TNRC6A: variants seen among roughly 807,000 people sequenced by gnomAD.
The protein encoded by TNRC6A is trinucleotide repeat-containing gene 6A protein.
Under a neutral mutation model 221.2 loss-of-function variants are expected in TNRC6A, and 44 were observed. The observed-to-expected ratio is 0.20, with a 90% CI of 0.16 to 0.26. TNRC6A has a LOEUF of 0.26. Ranked by LOEUF, TNRC6A falls within the 10% of genes least tolerant of loss-of-function variation. The probability of loss-of-function intolerance (pLI) is 1.00; values close to 1 mark genes in which losing one functional copy is unlikely to be tolerated. For missense variants in TNRC6A, 2,199 were observed against 2,404.4 expected (o/e 0.91, Z 1.79); for synonymous variants, 847 against 838.5 (o/e 1.01, Z -0.18).
Position 24,805,064 on chromosome 16 carries a change from G to A in TNRC6A, c.4035G>A (p.Arg1345=). 1 of 1,614,122 alleles carries A rather than the reference G, an allele frequency of 6.2e-7. No homozygotes were observed. The highest frequency in any genetic ancestry group is 8.5e-7 in the Non-Finnish European group (1 of 1,180,012). The part of the protein sequence containing the change: ...FGVGNTAAQP[R]GMQQPPAQPL... ...TTGGAAACACAGCAGCACAACCCCG[G>A]GGCATGCAGCAGCCTCCAGCACAAC... Residue 1345 remains arginine (R), a synonymous_variant, in exon 14 of 25, where the codon CGG becomes CGA. Transcript: ENST00000395799.
intron 1 of TNRC6A, among the ~76,000 whole-genome samples, chr16:24,637,528 G>A (rs896726814): frequency 1.3e-5 from 2 of 152,174 alleles, no homozygotes; most frequent in African/African-American, 2.4e-5. Flanking sequence ...ATATTAGATG[G>A]TGATCAGACC....
At chr16:24,690,681 G>T (rs1053436903) in intron 2 of TNRC6A, among the ~76,000 whole-genome samples, 2 of 152,082 alleles carry the variant, frequency 1.3e-5, no homozygotes, top group Non-Finnish European at 2.9e-5. Flanking sequence ...AAAATACTTT[G>T]CTTTGCTTTT....
chr16:24,649,390 C>A (rs547284331), intron 2 of TNRC6A, among the ~76,000 whole-genome samples: 1 of 152,042 alleles, frequency 6.6e-6, no homozygotes, highest in Admixed American at 6.6e-5. Context: ...CTCACTGAAA[C>A]CTCGAACTCC....
intron 1 of TNRC6A, among the ~76,000 whole-genome samples, chr16:24,615,887 C>T (rs946527177): frequency 2.1e-5 from 3 of 145,074 alleles, no homozygotes; most frequent in Admixed American, 7.1e-5. Context: ...CATACCCCTA[C>T]ATGCTCTAAA....
At chr16:24,708,890 G>T (rs144788279) in intron 2 of TNRC6A, among the ~76,000 whole-genome samples, 3 of 152,044 alleles carry the variant, frequency 2.0e-5, no homozygotes, top group African/African-American at 7.2e-5. Flanking sequence ...TTCTTTATCC[G>T]CTGATTGGTC....
At chr16:24,638,089 T>G (rs1901732159) in intron 1 of TNRC6A, among the ~76,000 whole-genome samples, 1 of 152,174 alleles carries the variant, frequency 6.6e-6, no homozygotes, top group Non-Finnish European at 1.5e-5. Flanking sequence ...CTGACTGTGA[T>G]GCCATTTATA....
At chr16:24,744,002 G>A (rs1291222303) in intron 2 of TNRC6A, among the ~76,000 whole-genome samples, 2 of 152,162 alleles carry the variant, frequency 1.3e-5, no homozygotes, top group African/African-American at 4.8e-5. Flanking sequence ...GTAGCATTTA[G>A]TTTTCATGTT....
At chr16:24,758,438 G>T in intron 4 of TNRC6A, 78 bp downstream of exon 4, 1 of 1,429,320 alleles carries the variant, frequency 7.0e-7, no homozygotes, top group Non-Finnish European at 9.8e-7. Flanking sequence ...TTCACCTCAA[G>T]GATGGGAGAG....
At chr16:24,610,218 T>G (rs1899979854) in exon 1 of TNRC6A, 1 of 152,332 alleles carries the variant, frequency 6.6e-6, no homozygotes, top group African/African-American at 2.4e-5. Context: ...ATGTGATGGC[T>G]CCGGTGATGT....
intron 2 of TNRC6A, among the ~76,000 whole-genome samples, chr16:24,655,117 G>A (rs1053984807): frequency 7.2e-5 from 11 of 151,978 alleles, no homozygotes; most frequent in African/African-American, 1.4e-4. Context: ...GGTGGCAGAC[G>A]CCTGTGTTCC....
chr16:24,665,462 C>T (rs1430937315), intron 2 of TNRC6A, among the ~76,000 whole-genome samples: 3 of 152,152 alleles, frequency 2.0e-5, no homozygotes, highest in Admixed American at 6.6e-5. Flanking sequence ...TGCCTTTTAA[C>T]TCATTGGGTG....
chr16:24,690,991 G>T (rs1389234597), intron 2 of TNRC6A, among the ~76,000 whole-genome samples: 1 of 151,336 alleles, frequency 6.6e-6, no homozygotes, highest in Non-Finnish European at 1.5e-5. Context: ...TTGTATTTTT[G>T]GTAGAGACGG....
At chr16:24,656,680 TA>T (rs1376933430) in intron 2 of TNRC6A, among the ~76,000 whole-genome samples, 1 of 152,154 alleles carries the variant, frequency 6.6e-6, no homozygotes, top group Admixed American at 6.6e-5. Context: ...TTAGAACTTT[TA>T]AAAATCATTT....
chr16:24,746,259 T>TA (rs113970792), intron 2 of TNRC6A, among the ~76,000 whole-genome samples: 2 of 152,062 alleles, frequency 1.3e-5, no homozygotes, highest in Non-Finnish European at 1.5e-5. Context: ...TTTTTTCCTA[T>TA]AAAAAAAATC....
At chr16:24,678,239 A>T (rs1456601431) in intron 2 of TNRC6A, among the ~76,000 whole-genome samples, 1 of 150,542 alleles carries the variant, frequency 6.6e-6, no homozygotes, top group Non-Finnish European at 1.5e-5. Context: ...TAAGCCCTGG[A>T]GGCAGAGGTT....
At chr16:24,670,413 G>A (rs183123256) in intron 2 of TNRC6A, among the ~76,000 whole-genome samples, 1 of 152,074 alleles carries the variant, frequency 6.6e-6, no homozygotes, top group African/African-American at 2.4e-5. Flanking sequence ...AACCCTTCCC[G>A]CAAGGGTCTC....
rs754351777 is a variant in TNRC6A, at chr16:24,789,853, A to T, written c.1211A>T (p.Asn404Ile). 3.1e-6 allele frequency: 5 copies of T among 1,614,060 alleles called. No homozygotes were observed. The East Asian group carries it at 6.7e-5, about 22-fold the overall frequency. ...AGTACTATAGGCCAGATGCCTAACA[A>T]TCAGAGTATTAACTCTAAAGTGAGT... ...QCSTIGQMPNNQSINSKVSGG... is the reference protein window; with the variant it reads ...QCSTIGQMPNIQSINSKVSGG... The change falls in exon 6 of 25, where the codon AAT becomes ATT. Residue 404 changes from asparagine to isoleucine, a missense_variant. Asn to Ile is a moderately radical substitution (Grantham distance 149, BLOSUM62 -3). Coordinates refer to ENST00000395799, the MANE Select transcript of TNRC6A (RefSeq NM_014494.4).
At chr16:24,748,375 G>C (rs2079463450) in intron 2 of TNRC6A, among the ~76,000 whole-genome samples, 1 of 152,068 alleles carries the variant, frequency 6.6e-6, no homozygotes, top group Admixed American at 6.5e-5. Flanking sequence ...CTTGCTCCTT[G>C]ACTTCCCTGG....
At chr16:24,775,894 C>G (rs1346970038) in intron 4 of TNRC6A, among the ~76,000 whole-genome samples, 1 of 152,206 alleles carries the variant, frequency 6.6e-6, no homozygotes, top group African/African-American at 2.4e-5. Context: ...TAGAAACATT[C>G]AACTGCTACC....
Sources: gnomAD v4.1 joint callset for allele counts (sites outside exome capture counted in the v4.1 genomes callset) on GRCh38, gnomAD v4.1.1 for gene constraint, MANE v1.5 for transcripts, NCBI Gene and HGNC (gene_info 2026-07-23, HGNC 2026-07-21) for gene names.